SCP2: variants seen among roughly 807,000 people sequenced by gnomAD.
SCP2 encodes SCP-2/3-oxoacyl-CoA thiolase.
In SCP2, 48 loss-of-function variants were observed where a neutral mutation model predicts 71.4. That is an observed-to-expected ratio of 0.67 (90% CI 0.53 to 0.86). SCP2 has a LOEUF of 0.86. Ranked by LOEUF, SCP2 falls within the 40% of genes least tolerant of loss-of-function variation. The probability of loss-of-function intolerance (pLI) is 0.00; values close to 1 mark genes in which losing one functional copy is unlikely to be tolerated. For synonymous variants in SCP2, 220 were observed against 218.1 expected (o/e 1.01, Z -0.08); for missense variants, 560 against 655.6 (o/e 0.85, Z 1.59).
intron 11 of SCP2, among the ~76,000 whole-genome samples, chr1:52,998,418 AG>A (rs1174083968): frequency 6.6e-6 from 1 of 152,192 alleles, no homozygotes; most frequent in African/African-American, 2.4e-5. Flanking sequence ...CAGCAAAGCA[AG>A]ACTTTGTCTC....
chr1:52,962,641 A>G (rs868734874), intron 6 of SCP2, among the ~76,000 whole-genome samples: 2 of 151,732 alleles, frequency 1.3e-5, no homozygotes, highest in Non-Finnish European at 2.9e-5. Flanking sequence ...CTCCAACCAC[A>G]CTATCCTTTC....
chr1:52,987,150 A>G (rs558348237), intron 10 of SCP2, among the ~76,000 whole-genome samples: 1 of 151,844 alleles, frequency 6.6e-6, no homozygotes, highest in East Asian at 1.9e-4. Context: ...ACCTCAGGTG[A>G]TCTACCTGCC....
intron 5 of SCP2, among the ~76,000 whole-genome samples, chr1:52,956,842 C>T (rs949422697): frequency 1.3e-5 from 2 of 150,808 alleles, no homozygotes; most frequent in Non-Finnish European, 2.9e-5. Flanking sequence ...TAAAATTCAT[C>T]CATAATCCCA....
At chr1:53,017,848 ATTTTCTT>A (rs1181376345) in intron 12 of SCP2, among the ~76,000 whole-genome samples, 2 of 151,916 alleles carry the variant, frequency 1.3e-5, no homozygotes, top group African/African-American at 4.8e-5. Context: ...ACTTGTTCGT[ATTTTCTT>A]TTTTCTTTTC....
At chr1:52,962,327 C>T (rs1169287801) in intron 6 of SCP2, among the ~76,000 whole-genome samples, 1 of 152,132 alleles carries the variant, frequency 6.6e-6, no homozygotes, top group Non-Finnish European at 1.5e-5. Flanking sequence ...CATTTCTCAC[C>T]ATTTCTGCTA....
intron 1 of SCP2, among the ~76,000 whole-genome samples, chr1:52,930,156 G>C (rs1375187820): frequency 6.6e-6 from 1 of 152,094 alleles, no homozygotes; most frequent in Non-Finnish European, 1.5e-5. Flanking sequence ...ATGTAATTTA[G>C]CACTTCAGTT....
chr1:53,030,405 A>G (rs1662450971), intron 13 of SCP2, among the ~76,000 whole-genome samples: 1 of 152,216 alleles, frequency 6.6e-6, no homozygotes, highest in African/African-American at 2.4e-5. Flanking sequence ...TGCATTTTGT[A>G]TGCTGATACA....
Position 52,980,513 on chromosome 1 carries a change from A to T in SCP2, c.943A>T (p.Thr315Ser). 1 of 1,614,036 alleles carries T rather than the reference A, an allele frequency of 6.2e-7. No homozygotes were observed. Among genetic ancestry groups the T allele is most frequent in the Non-Finnish European group, 8.5e-7 (1 of 1,179,902 alleles). The change falls in exon 10 of 16, where the codon ACT becomes TCT. Residue 315 changes from threonine (T) to serine (S), a missense_variant. Physicochemically the swap from Thr to Ser is moderately conservative, Grantham distance 58 (BLOSUM62 1). Coordinates refer to ENST00000371514, the MANE Select transcript of SCP2 (RefSeq NM_002979.5). Reference sequence around the variant, plus strand: ...TTGCTTTTCTACCAACGAACTCCTTACTTATGAAGCACTGGGACTCTGTCC... The same window carrying T: ...TTGCTTTTCTACCAACGAACTCCTTTCTTATGAAGCACTGGGACTCTGTCC... ...HDCFSTNELLTYEALGLCPEG... is the reference protein window; with the variant it reads ...HDCFSTNELLSYEALGLCPEG...
intron 1 of SCP2, among the ~76,000 whole-genome samples, chr1:52,938,691 T>C (rs1177002610): frequency 6.6e-6 from 1 of 152,204 alleles, no homozygotes; most frequent in African/African-American, 2.4e-5. Flanking sequence ...TACAGAGATT[T>C]CCCATGTGTT....
intron 14 of SCP2, among the ~76,000 whole-genome samples, chr1:53,041,992 G>A (rs1000767837): frequency 1.3e-5 from 2 of 152,120 alleles, no homozygotes; most frequent in Middle Eastern, 3.2e-3. Flanking sequence ...CACTGTTAAC[G>A]TGCACGGTTG....
rs571397290 is a variant in SCP2, at chr1:53,008,294, C to T, written c.1082-6596C>T. 1.7e-4 allele frequency among the ~76,000 whole-genome samples: 26 copies of T among 152,276 alleles called. 1 individual carries two copies. In the South Asian group the frequency reaches 5.4e-3, roughly 32 times the overall value. ...ACTCAATTTATGAGGCCAGCATCAT[C>T]CTGATACCAAAGCCTGGCAGAGACA... is the stretch of plus-strand genomic sequence containing the variant. On this transcript the variant is annotated intron_variant, in intron 11 of 15. Transcript: ENST00000371514.
chr1:52,973,971 A>G (rs1009325184), intron 6 of SCP2, among the ~76,000 whole-genome samples: 1 of 152,164 alleles, frequency 6.6e-6, no homozygotes, highest in African/African-American at 2.4e-5. Context: ...TAGAATTGAG[A>G]TAAGATTTGC....
intron 14 of SCP2, among the ~76,000 whole-genome samples, chr1:53,041,209 A>G (rs1021068802): frequency 6.6e-6 from 1 of 151,936 alleles, no homozygotes; most frequent in African/African-American, 2.4e-5. Flanking sequence ...CGAGACCAGC[A>G]TGGCCAACAT....
chr1:52,951,577 A>C (rs527626735), intron 4 of SCP2, among the ~76,000 whole-genome samples: 4 of 151,074 alleles, frequency 2.6e-5, no homozygotes, highest in Non-Finnish European at 4.4e-5. Context: ...AAAAAAAAAA[A>C]AATTAATTAA....
intron 11 of SCP2, among the ~76,000 whole-genome samples, chr1:52,996,713 G>C (rs549460227): frequency 6.6e-6 from 1 of 152,170 alleles, no homozygotes; most frequent in Non-Finnish European, 1.5e-5. Flanking sequence ...AGGGGGGAAA[G>C]AGATCAGCCT....
rs537100363 is a variant in SCP2, at chr1:52,975,194, T to A, written c.587+362T>A. Reference sequence around the variant, plus strand: ...TGCCCGGCTAATTATTATTATTATTTTTTTTAGATGGCATCTCACTCTGTC... The same window carrying A: ...TGCCCGGCTAATTATTATTATTATTATTTTTAGATGGCATCTCACTCTGTC... On this transcript the variant is annotated intron_variant, in intron 7 of 15. Coordinates refer to ENST00000371514, the MANE Select transcript of SCP2 (RefSeq NM_002979.5). 4.1e-4 allele frequency among the ~76,000 whole-genome samples: 62 copies of A among 151,604 alleles called. No homozygotes were observed. The Middle Eastern group carries it at 0.01, about 25-fold the overall frequency.
At chr1:53,032,900 TATATTTAATAC>T (rs1662658672) in intron 13 of SCP2, among the ~76,000 whole-genome samples, 1 of 81,586 alleles carries the variant, frequency 1.2e-5, no homozygotes, top group Admixed American at 1.4e-4. Context: ...ATATACAAAA[TATATTTAATAC>T]AAAAGTATTA....
intron 14 of SCP2, among the ~76,000 whole-genome samples, chr1:53,040,764 T>A (rs1663362976): frequency 6.6e-6 from 1 of 152,110 alleles, no homozygotes; most frequent in African/African-American, 2.4e-5. Context: ...CCCTATTGCC[T>A]TTTTCTGCCT....
At chr1:53,021,645 C>CTT (rs753678066) in intron 12 of SCP2, among the ~76,000 whole-genome samples, 7 of 95,680 alleles carry the variant, frequency 7.3e-5, no homozygotes, top group Admixed American at 1.4e-4. Context: ...CTTTTTCTTT[C>CTT]TTTTTTTTTT....
Sources: allele counts gnomAD v4.1 joint callset (sites outside exome capture counted in the v4.1 genomes callset), GRCh38; gene constraint gnomAD v4.1.1; transcripts MANE v1.5; gene names NCBI Gene and HGNC (gene_info 2026-07-23, HGNC 2026-07-21).